Variants in ARHGAP44 observed in about 807,000 individuals in gnomAD.
ARHGAP44 encodes the protein rho GTPase-activating protein 44.
In ARHGAP44, 43 loss-of-function variants were observed where a neutral mutation model predicts 106.8. The ratio of observed to expected loss-of-function variants is 0.40; its 90% CI spans 0.32 to 0.52. ARHGAP44 has a LOEUF of 0.52. Among genes scored for constraint, ARHGAP44 ranks in the 20% least tolerant of loss-of-function variants. The pLI, the probability that ARHGAP44 is intolerant of heterozygous loss-of-function variation, is 0.48. For missense variants in ARHGAP44, 866 were observed against 1,050.5 expected (o/e 0.82, Z 2.43); for synonymous variants, 439 against 410.3 (o/e 1.07, Z -0.85).
intron 18 of ARHGAP44, among the ~76,000 whole-genome samples, chr17:12,978,055 A>AAAAAAAAAAAAAAAAAAAAAC (rs1450033588): frequency 6.7e-6 from 1 of 149,884 alleles, no homozygotes; most frequent in African/African-American, 2.5e-5. Flanking sequence ...AAAAAAAAAA[A>AAAAAAAAAAAAAAAAAAAAAC]AGTGTGTTTC....
chr17:12,932,730 G>C (rs1426475054), intron 7 of ARHGAP44, among the ~76,000 whole-genome samples: 1 of 149,638 alleles, frequency 6.7e-6, no homozygotes, highest in African/African-American at 2.5e-5. Context: ...TTTCCAGATA[G>C]ATAGTCAGTT....
At chr17:12,931,214 G>A (rs1310322448) in intron 7 of ARHGAP44, among the ~76,000 whole-genome samples, 3 of 151,942 alleles carry the variant, frequency 2.0e-5, no homozygotes, top group African/African-American at 7.3e-5. Context: ...TGGGACTACA[G>A]GCGCATGCCA....
chr17:12,980,856 A>G (rs971615559), intron 19 of ARHGAP44: 2 of 152,200 alleles, frequency 1.3e-5, no homozygotes, highest in African/African-American at 4.8e-5. Context: ...CTCTTTGCAG[A>G]GTCTTTCACT....
At chr17:12,793,005 A>G (rs1029880890) in intron 1 of ARHGAP44, among the ~76,000 whole-genome samples, 10 of 152,044 alleles carry the variant, frequency 6.6e-5, no homozygotes, top group Non-Finnish European at 1.3e-4. Context: ...CTTCACTTCA[A>G]TCCGTCCTTT....
chr17:12,829,852 A>G (rs1003535238), intron 1 of ARHGAP44, among the ~76,000 whole-genome samples: 1 of 152,150 alleles, frequency 6.6e-6, no homozygotes, highest in Non-Finnish European at 1.5e-5. Flanking sequence ...CTTTATTTTA[A>G]TTATATTTTG....
chr17:12,800,425 A>C (rs1170992709), intron 1 of ARHGAP44, among the ~76,000 whole-genome samples: 2 of 152,116 alleles, frequency 1.3e-5, no homozygotes, highest in Non-Finnish European at 2.9e-5. Flanking sequence ...TGCTTATAGC[A>C]CTGGCCAGTG....
chr17:12,949,710 T>C lies in ARHGAP44; in HGVS notation c.1035T>C (p.Asp345=), dbSNP rs779838453. Residue 345 remains aspartate (D), a synonymous_variant, in exon 12 of 21, where the codon GAT becomes GAC. Transcript: ENST00000379672. The surrounding 1 kb of genome is among the most constrained non-coding windows in gnomAD (Gnocchi z 4.1). ...PEPLMTFELY[D]EWIQASNVQE... ...CTCTTATGACCTTTGAACTCTATGA[T>C]GAGTGGATCCAGGCTTCCAAGTGAG... 6 of 1,613,790 alleles carry C rather than the reference T, an allele frequency of 3.7e-6. No homozygotes were observed. Among genetic ancestry groups the C allele is most frequent in the Non-Finnish European group, 8.5e-7 (1 of 1,179,792 alleles).
chr17:12,958,847 C>G lies in ARHGAP44; in HGVS notation c.1473C>G (p.Pro491=), dbSNP rs1181447252. ...DRRQPEQARR[P]LSVATDNMML... The stretch of plus-strand genomic sequence containing the variant: ...GCCAGCCCGAGCAGGCCCGCCGGCC[C>G]CTCAGCGTCGCCACGGATAATATGA... The change falls in exon 16 of 21, where the codon CCC becomes CCG. Residue 491 remains proline (P), a synonymous_variant. Transcript: ENST00000379672. The surrounding 1 kb of genome is among the most constrained non-coding windows in gnomAD (Gnocchi z 4.1). 2 of 1,612,150 alleles carry G rather than the reference C, an allele frequency of 1.2e-6. No homozygotes were observed. The highest frequency in any genetic ancestry group is 1.7e-6 in the Non-Finnish European group (2 of 1,179,154).
intron 10 of ARHGAP44, among the ~76,000 whole-genome samples, chr17:12,945,294 G>A (rs1306225517): frequency 6.6e-6 from 1 of 152,204 alleles, no homozygotes; most frequent in East Asian, 1.9e-4. Context: ...ACAGGCATGA[G>A]CCACTGCACC....
chr17:12,842,034 G>A (rs2035423548), intron 1 of ARHGAP44, among the ~76,000 whole-genome samples: 1 of 152,002 alleles, frequency 6.6e-6, no homozygotes, highest in Non-Finnish European at 1.5e-5. Context: ...GGAGAATACA[G>A]ACAGCAGTGT....
At chr17:12,802,944 TATATATATATA>T (rs2034145078) in intron 1 of ARHGAP44, among the ~76,000 whole-genome samples, 2 of 16,402 alleles carry the variant, frequency 1.2e-4, no homozygotes, top group African/African-American at 6.6e-4. Context: ...TATATATATA[TATATATATATA>T]TATATATATA....
Position 12,990,170 on chromosome 17 carries a change from G to C in ARHGAP44, c.2456G>C (p.Ter819SerextTer50). The C allele has an allele frequency of 1.2e-6, 2 of 1,611,188 alleles. No individual in the cohort carries two copies. Among genetic ancestry groups the C allele is most frequent in the Non-Finnish European group, 1.7e-6 (2 of 1,177,612 alleles). Residue 819 changes from the stop codon to serine, a stop_lost, in exon 21 of 21, where the codon TGA becomes TCA. Coordinates refer to ENST00000379672, the MANE Select transcript of ARHGAP44 (RefSeq NM_014859.6). ...SEEESESTAL* is the reference protein window; with the variant it reads ...SEEESESTALS ...GAGGAGTCTGAGAGCACCGCCCTCT[G>C]ACATGACACCGCCCATCCTGCCTCG... is the stretch of plus-strand genomic sequence containing the variant.
intron 1 of ARHGAP44, among the ~76,000 whole-genome samples, chr17:12,824,503 G>A (rs1238691799): frequency 6.6e-6 from 1 of 151,964 alleles, no homozygotes; most frequent in Non-Finnish European, 1.5e-5. Flanking sequence ...CATGATTTCT[G>A]CCAGACTTCC....
At chr17:12,989,954 G>A (rs1407758468) in intron 20 of ARHGAP44, 78 bp from the exon 21 acceptor site, 1 of 1,563,524 alleles carries the variant, frequency 6.4e-7, no homozygotes, top group South Asian at 1.2e-5. Context: ...TCCTAAGGCT[G>A]ACATTATTTG....
intron 1 of ARHGAP44, among the ~76,000 whole-genome samples, chr17:12,844,457 A>T (rs1316827995): frequency 6.6e-6 from 1 of 152,194 alleles, no homozygotes; most frequent in Non-Finnish European, 1.5e-5. Context: ...CTCTGCCCTC[A>T]TGACCCAGTC....
intron 6 of ARHGAP44, among the ~76,000 whole-genome samples, chr17:12,923,683 A>G (rs573092915): frequency 2.0e-5 from 3 of 152,294 alleles, no homozygotes; most frequent in African/African-American, 7.2e-5. Context: ...ATTTTTAGCA[A>G]AGGTATACTC....
chr17:12,938,124 A>G (rs961551560), intron 7 of ARHGAP44, among the ~76,000 whole-genome samples: 1 of 152,214 alleles, frequency 6.6e-6, no homozygotes, highest in Non-Finnish European at 1.5e-5. Flanking sequence ...CTATTCTACC[A>G]CAAACTCATG....
intron 1 of ARHGAP44, among the ~76,000 whole-genome samples, chr17:12,810,633 T>C (rs1007579643): frequency 6.6e-5 from 10 of 152,182 alleles, no homozygotes; most frequent in African/African-American, 2.2e-4. Context: ...ATGAGATCTC[T>C]GGACATTGAA....
chr17:12,799,535 A>G (rs2034023810), intron 1 of ARHGAP44, among the ~76,000 whole-genome samples: 1 of 152,068 alleles, frequency 6.6e-6, no homozygotes, highest in African/African-American at 2.4e-5. Flanking sequence ...ACTTATGTTC[A>G]CTTTTCATGG....
Sources: allele counts gnomAD v4.1 joint callset (sites outside exome capture counted in the v4.1 genomes callset), GRCh38; gene constraint gnomAD v4.1.1; non-coding constraint Gnocchi (gnomAD v3.1); transcripts MANE v1.5; gene names NCBI Gene and HGNC (gene_info 2026-07-23, HGNC 2026-07-21).